The following CSNK2A1 variants were observed in gnomAD, a reference collection of about 807,000 sequenced individuals.
CSNK2A1 encodes casein kinase 2 alpha 1.
CSNK2A1 carries 10 observed loss-of-function variants against 62.9 expected under a neutral mutation model. That is an observed-to-expected ratio of 0.16 (90% confidence interval 0.10 to 0.27). The LOEUF (loss-of-function observed/expected upper bound fraction) is 0.27. CSNK2A1 is among the 10% of genes least tolerant of loss of function. The probability of loss-of-function intolerance (pLI) is 1.00; values close to 1 mark genes in which losing one functional copy is unlikely to be tolerated. For missense variants in CSNK2A1, 160 were observed against 492.0 expected (o/e 0.33, Z 6.38); for synonymous variants, 124 against 167.8 (o/e 0.74, Z 2.02).
intron 1 of CSNK2A1, among the ~76,000 whole-genome samples, chr20:528,692 G>C (rs561293235): frequency 6.6e-6 from 1 of 151,822 alleles, no homozygotes; most frequent in African/African-American, 2.4e-5. Context: ...GAAGTCCTAA[G>C]CTCAAGCAAT....
rs546474070 is a variant in CSNK2A1 at position 508,628 on chromosome 20, G to T, written c.-77C>A. ...TCACTGTGTTCAGAAGCAGCTGGGG[G>T]TAAGACCTTGTTTCAGACCTGTTTT... On this transcript the variant is annotated 5_prime_UTR_variant, in exon 3 of 14. Transcript: ENST00000217244. 65 of 1,445,934 alleles carry T rather than the reference G, an allele frequency of 4.5e-5. No homozygotes were observed. The African/African-American group carries it at 7.8e-4, about 17-fold the overall frequency. 89.6% of individuals were successfully genotyped at this position (1,445,934 alleles called of 1,614,324 possible). A position where few individuals can be genotyped will look rare whatever the true frequency, so the allele number is the denominator to read the frequency against.
intron 3 of CSNK2A1, among the ~76,000 whole-genome samples, chr20:505,642 G>A (rs6052520): frequency 0.028 from 4,241 of 150,524 alleles, 219 homozygotes; most frequent in African/African-American, 0.097. Context: ...GATTACAGGC[G>A]TGAGCCACCG....
intron 8 of CSNK2A1, chr20:494,852 C>T (rs1421428353): frequency 6.6e-6 from 1 of 152,238 alleles, no homozygotes; most frequent in Non-Finnish European, 1.5e-5. Flanking sequence ...GCTATTTACT[C>T]TGCCTTGGGA....
intron 1 of CSNK2A1, among the ~76,000 whole-genome samples, chr20:531,553 A>C (rs1445234001): frequency 6.6e-6 from 1 of 152,210 alleles, no homozygotes; most frequent in Non-Finnish European, 1.5e-5. Flanking sequence ...AATGTATATA[A>C]AGCAGCATGT....
intron 10 of CSNK2A1, chr20:489,331 T>G (rs574407531): frequency 2.2e-4 from 43 of 193,812 alleles, no homozygotes; most frequent in Non-Finnish European, 1.8e-4. Flanking sequence ...AATGGTACCT[T>G]CCACAAGGTC....
rs1568483325 is a variant in CSNK2A1, at chr20:475,025, TACA to T, written c.*8933_*8935del. 1 of 152,100 alleles carries T rather than the reference TACA, an allele frequency of 6.6e-6. No homozygotes were observed. The highest frequency in any genetic ancestry group is 2.4e-5 in the African/African-American group (1 of 41,404). 9.4% of individuals were successfully genotyped at this position (152,100 alleles called of 1,614,324 possible). A position where few individuals can be genotyped will look rare whatever the true frequency, so the allele number is the denominator to read the frequency against. On this transcript the variant is annotated 3_prime_UTR_variant, in exon 14 of 14. Transcript: ENST00000217244. The stretch of plus-strand genomic sequence containing the variant: ...GTTTAACAAATAATTATAGAGCAAA[TACA>T]ACATTTAGGTACCACCCCAATAAAC...
chr20:525,836 TAAAAAAAAAAA>T (rs397864425), intron 2 of CSNK2A1, among the ~76,000 whole-genome samples: 3 of 71,052 alleles, frequency 4.2e-5, no homozygotes, highest in East Asian at 8.3e-4. Context: ...TTAAAACTAT[TAAAAAAAAAAA>T]AAAAAAAAAA....
intron 1 of CSNK2A1, 135 bp downstream of exon 1, chr20:543,537 T>C (rs2019499556): frequency 7.6e-6 from 3 of 394,268 alleles, no homozygotes; most frequent in African/African-American, 2.1e-5. Context: ...TTGGTTTATG[T>C]GTGAAGGTGG....
intron 7 of CSNK2A1, among the ~76,000 whole-genome samples, chr20:497,458 A>AT (rs529870046): frequency 5.5e-5 from 8 of 145,362 alleles, no homozygotes; most frequent in South Asian, 2.2e-4. Flanking sequence ...TAATTAAACA[A>AT]TTTTTTTTTG....
chr20:533,145 G>GCAA (rs1384023043), intron 1 of CSNK2A1, among the ~76,000 whole-genome samples: 2 of 152,046 alleles, frequency 1.3e-5, no homozygotes, highest in Non-Finnish European at 2.9e-5. Flanking sequence ...AAAATATCTA[G>GCAA]CAACTAACTC....
At chr20:492,232 G>T in intron 9 of CSNK2A1, 22 bp downstream of exon 9, 3 of 1,587,290 alleles carry the variant, frequency 1.9e-6, no homozygotes, top group Non-Finnish European at 2.6e-6. Flanking sequence ...GATCAAAACT[G>T]TGCCTGCCCT....
chr20:528,321 G>GT (rs2019140724), intron 1 of CSNK2A1, among the ~76,000 whole-genome samples: 1 of 152,224 alleles, frequency 6.6e-6, no homozygotes, highest in Non-Finnish European at 1.5e-5. Flanking sequence ...AATAAGGTAG[G>GT]TTGTCCTAAA....
intron 2 of CSNK2A1, among the ~76,000 whole-genome samples, chr20:513,076 G>GAACCC (rs1288908886): frequency 6.6e-6 from 1 of 152,204 alleles, no homozygotes. Context: ...ACAGCAGCAT[G>GAACCC]AACCCAACAG....
intron 1 of CSNK2A1, chr20:539,364 G>C (rs1327288106): frequency 6.6e-6 from 1 of 152,170 alleles, no homozygotes; most frequent in African/African-American, 2.4e-5. Flanking sequence ...TTCCTTGCTG[G>C]TTGTCAGCTG....
At chr20:498,333 A>G in intron 6 of CSNK2A1, 1 of 136,134 alleles carries the variant, frequency 7.3e-6, no homozygotes, top group East Asian at 2.1e-4. Context: ...ACATGGACAT[A>G]TCTTTTTTTT....
intron 8 of CSNK2A1, 187 bp from the exon 9 acceptor site, chr20:492,551 G>C (rs905577632): frequency 2.5e-5 from 15 of 600,580 alleles, no homozygotes; most frequent in African/African-American, 5.6e-5. Flanking sequence ...CCATGATTTT[G>C]TTCCTGGAAG....
chr20:538,635 A>G (rs1245383130), intron 1 of CSNK2A1, among the ~76,000 whole-genome samples: 5 of 152,180 alleles, frequency 3.3e-5, no homozygotes, highest in African/African-American at 1.2e-4. Flanking sequence ...TGACTCTTAA[A>G]CTCAACAACC....
At chr20:531,314 T>C (rs1682802355) in intron 1 of CSNK2A1, among the ~76,000 whole-genome samples, 1 of 152,190 alleles carries the variant, frequency 6.6e-6, no homozygotes, top group South Asian at 2.1e-4. Flanking sequence ...GTCCAACAAC[T>C]GGCTCTTTTA....
At position 479,755 on chromosome 20, in the gene CSNK2A1, T is replaced by C. The variant is rs2017917979; in HGVS notation, c.*4206A>G. On this transcript the variant is annotated 3_prime_UTR_variant, in exon 14 of 14. Transcript: ENST00000217244. The stretch of plus-strand genomic sequence containing the variant: ...GTGACACCATCTACATATGTTTTAC[T>C]TGGAGAATAGTCTGAATTTCGTATT... 6.6e-6 allele frequency: 1 copy of C among 152,218 alleles called. No homozygotes were observed. The highest frequency in any genetic ancestry group is 1.5e-5 in the Non-Finnish European group (1 of 68,018). 9.4% of individuals were successfully genotyped at this position (152,218 alleles called of 1,614,324 possible).
Sources: gnomAD v4.1 joint callset for allele counts (sites outside exome capture counted in the v4.1 genomes callset) on GRCh38, gnomAD v4.1.1 for gene constraint, MANE v1.5 for transcripts, NCBI Gene and HGNC (gene_info 2026-07-23, HGNC 2026-07-21) for gene names.